The following HPSE2 variants were observed in gnomAD, a reference collection of about 807,000 sequenced individuals.
HPSE2 encodes the protein inactive heparanase-2.
HPSE2 carries 38 observed loss-of-function variants against 60.5 expected under a neutral mutation model. That is an observed-to-expected ratio of 0.63 (90% CI 0.48 to 0.82). HPSE2 has a LOEUF of 0.82. Among genes scored for constraint, HPSE2 ranks in the 40% least tolerant of loss-of-function variants. The pLI, the probability that HPSE2 is intolerant of heterozygous loss-of-function variation, is 0.00. For synonymous variants in HPSE2, 295 were observed against 293.2 expected (o/e 1.01, Z -0.06); for missense variants, 713 against 740.4 (o/e 0.96, Z 0.43).
At chr10:98,992,912 G>A (rs968936236) in intron 3 of HPSE2, among the ~76,000 whole-genome samples, 2 of 152,164 alleles carry the variant, frequency 1.3e-5, no homozygotes, top group African/African-American at 2.4e-5. Context: ...TCACTTCTTT[G>A]AGTCCCAGTT....
the HPSE2 span, among the ~76,000 whole-genome samples, chr10:99,292,062 A>C: frequency 6.6e-6 from 1 of 152,220 alleles, no homozygotes; most frequent in African/African-American, 2.4e-5. Context: ...AGGGGGCCAA[A>C]TAAATGGCTT....
chr10:98,725,458 C>T (rs1459020255), intron 4 of HPSE2, among the ~76,000 whole-genome samples: 1 of 152,160 alleles, frequency 6.6e-6, no homozygotes, highest in Non-Finnish European at 1.5e-5. Flanking sequence ...GAAACTGAAT[C>T]CCTTCCTTAC....
intron 3 of HPSE2, among the ~76,000 whole-genome samples, chr10:98,938,660 T>A (rs1282762098): frequency 1.4e-5 from 2 of 144,182 alleles, no homozygotes; most frequent in Admixed American, 6.9e-5. Flanking sequence ...GAAAACCCTC[T>A]GCAGGATATT....
chr10:98,970,033 C>G (rs903064218), intron 3 of HPSE2, among the ~76,000 whole-genome samples: 1 of 151,782 alleles, frequency 6.6e-6, no homozygotes, highest in Non-Finnish European at 1.5e-5. Flanking sequence ...GTGATCTCAG[C>G]TCACTGCAAC....
At chr10:98,661,312 G>T (rs1947218849) in intron 6 of HPSE2, among the ~76,000 whole-genome samples, 1 of 152,200 alleles carries the variant, frequency 6.6e-6, no homozygotes, top group Non-Finnish European at 1.5e-5. Flanking sequence ...AATCTCTGTT[G>T]CATCAGAATC....
chr10:98,694,249 T>C (rs1421942889), intron 5 of HPSE2, among the ~76,000 whole-genome samples: 1 of 152,204 alleles, frequency 6.6e-6, no homozygotes, highest in East Asian at 1.9e-4. Flanking sequence ...CCCACATCAA[T>C]TTCCTCATAA....
At chr10:99,245,624 C>T in the HPSE2 span, among the ~76,000 whole-genome samples, 14 of 152,268 alleles carry the variant, frequency 9.2e-5, no homozygotes, top group East Asian at 2.5e-3. Flanking sequence ...ATTTGAAATA[C>T]TGAATAACGC....
chr10:99,192,371 TA>T (rs1284965291), intron 2 of HPSE2, among the ~76,000 whole-genome samples: 5 of 151,870 alleles, frequency 3.3e-5, no homozygotes, highest in African/African-American at 1.2e-4. Context: ...AAGAAACCGG[TA>T]ACAAAGGAGC....
intron 9 of HPSE2, among the ~76,000 whole-genome samples, chr10:98,573,565 C>T (rs927352438): frequency 1.3e-5 from 2 of 152,132 alleles, no homozygotes; most frequent in African/African-American, 4.8e-5. Flanking sequence ...GGGGTGAGAG[C>T]GTTTCCCGCT....
chr10:98,937,956 T>G (rs11189888), intron 3 of HPSE2, among the ~76,000 whole-genome samples: 18,414 of 139,968 alleles, frequency 0.13, 2,911 homozygotes, highest in South Asian at 0.22. Flanking sequence ...TGCAGACACC[T>G]CTGCTGATAC....
chr10:99,268,021 T>C, the HPSE2 span, among the ~76,000 whole-genome samples: 1 of 152,084 alleles, frequency 6.6e-6, no homozygotes, highest in Non-Finnish European at 1.5e-5. Context: ...AAAGTCAAGA[T>C]GAAGGAAAGA....
the HPSE2 span, among the ~76,000 whole-genome samples, chr10:99,304,518 C>T: frequency 6.6e-6 from 1 of 152,240 alleles, no homozygotes; most frequent in South Asian, 2.1e-4. Context: ...GCCAAGAACG[C>T]TTGTGGGCTA....
At chr10:98,594,344 C>A (rs1180752383) in intron 9 of HPSE2, among the ~76,000 whole-genome samples, 1 of 152,060 alleles carries the variant, frequency 6.6e-6, no homozygotes, top group African/African-American at 2.4e-5. Context: ...ATTATACTCT[C>A]TGCTCCTATG....
chr10:98,479,815 T>A (rs532674341), intron 11 of HPSE2, among the ~76,000 whole-genome samples: 14 of 152,320 alleles, frequency 9.2e-5, no homozygotes, highest in African/African-American at 2.6e-4. Flanking sequence ...TGTATTTATA[T>A]TTATAGATGT....
intron 3 of HPSE2, among the ~76,000 whole-genome samples, chr10:99,094,231 G>A (rs1843619202): frequency 6.6e-6 from 1 of 151,568 alleles, no homozygotes; most frequent in Non-Finnish European, 1.5e-5. Context: ...CGTCGTTCAC[G>A]TTATTAATTT....
chr10:98,972,331 A>T (rs7076651), intron 3 of HPSE2, among the ~76,000 whole-genome samples: 23,477 of 151,750 alleles, frequency 0.15, 2,752 homozygotes, highest in African/African-American at 0.32. Context: ...TTCTTTCCTT[A>T]TGTTATGTGC....
intron 3 of HPSE2, among the ~76,000 whole-genome samples, chr10:98,951,565 T>C (rs1955357764): frequency 6.6e-6 from 1 of 152,152 alleles, no homozygotes; most frequent in Non-Finnish European, 1.5e-5. Context: ...TGTAGTTGAC[T>C]TCAAAAAGAT....
the HPSE2 span, among the ~76,000 whole-genome samples, chr10:99,246,911 T>C: frequency 3.9e-5 from 6 of 152,208 alleles, no homozygotes; most frequent in Non-Finnish European, 1.5e-5. Context: ...GCTGTAGAAA[T>C]GCTAGAGTGC....
At chr10:98,970,212 C>T (rs2135264398) in intron 3 of HPSE2, among the ~76,000 whole-genome samples, 2 of 152,270 alleles carry the variant, frequency 1.3e-5, no homozygotes, top group South Asian at 4.1e-4. Context: ...ATCTGCCTGC[C>T]TCGGCCTCCC....
Sources: allele counts gnomAD v4.1 joint callset (sites outside exome capture counted in the v4.1 genomes callset), GRCh38; gene constraint gnomAD v4.1.1; transcripts MANE v1.5; gene names NCBI Gene and HGNC (gene_info 2026-07-23, HGNC 2026-07-21).